The following FBXO3 variants were observed in gnomAD, a reference collection of about 807,000 sequenced individuals.
FBXO3 encodes F-box protein 3.
Under a neutral mutation model 64.8 loss-of-function variants are expected in FBXO3, and 17 were observed. The ratio of observed to expected loss-of-function variants is 0.26; its 90% CI spans 0.18 to 0.39. The LOEUF (loss-of-function observed/expected upper bound fraction) is 0.39. Among genes scored for constraint, FBXO3 ranks in the 10% least tolerant of loss-of-function variants. The pLI is 1.00. For missense variants in FBXO3, 420 were observed against 589.9 expected, an observed-to-expected ratio of 0.71 and a Z score of 2.98; for synonymous variants, 182 against 201.6, an observed-to-expected ratio of 0.90 and a Z score of 0.82.
intron 3 of FBXO3, among the ~76,000 whole-genome samples, chr11:33,761,240 G>T (rs1206777471): frequency 1.3e-5 from 2 of 151,976 alleles, no homozygotes; most frequent in Non-Finnish European, 2.9e-5. Flanking sequence ...CAGAAACATG[G>T]TATAGCTCAA....
chr11:33,749,208 T>G (rs1854891191), intron 8 of FBXO3, among the ~76,000 whole-genome samples: 1 of 152,322 alleles, frequency 6.6e-6, no homozygotes, highest in East Asian at 1.9e-4. Context: ...AAGATCAATT[T>G]GGCAAATGCT....
At chr11:33,744,117 TA>T (rs1854754105) in intron 10 of FBXO3, 1 of 152,202 alleles carries the variant, frequency 6.6e-6, no homozygotes, top group African/African-American at 2.4e-5. Flanking sequence ...TCTTTGGATT[TA>T]TTTTTTTAAT....
chr11:33,773,957 C>A (rs1468265528), intron 1 of FBXO3: 2 of 157,534 alleles, frequency 1.3e-5, no homozygotes, highest in African/African-American at 4.8e-5. Context: ...CCTGCCCACC[C>A]CGGCGCCAGA....
At chr11:33,746,759 C>T (rs1432249231) in intron 10 of FBXO3, 1 of 1,418,708 alleles carries the variant, frequency 7.0e-7, no homozygotes, top group Non-Finnish European at 9.2e-7. Context: ...TTATAATGAT[C>T]TTTATGGAAT....
chr11:33,774,158 A>G, intron 1 of FBXO3: 1 of 472,100 alleles, frequency 2.1e-6, no homozygotes, highest in Non-Finnish European at 3.8e-6. Flanking sequence ...TGGGAGAGAG[A>G]TATCTCGTCG....
At chr11:33,754,210 A>G (rs548622212) in intron 6 of FBXO3, 2 of 380,964 alleles carry the variant, frequency 5.2e-6, no homozygotes, top group South Asian at 7.8e-5. Context: ...TCATTGCCTT[A>G]TAGAAGAGTC....
chr11:33,741,801 T>G lies in FBXO3; in HGVS notation c.*107A>C. On this transcript the variant is annotated 3_prime_UTR_variant, in exon 11 of 11. Transcript: ENST00000265651. ...ACCCAGGGCCTGAAACAATATTTCA[T>G]GCTAGTTTTCCTGCTATATGCAGAG... 1 of 1,094,008 alleles carries G rather than the reference T, an allele frequency of 9.1e-7. No homozygotes were observed. The highest frequency in any genetic ancestry group is 1.2e-6 in the Non-Finnish European group (1 of 824,188). 67.8% of individuals were successfully genotyped at this position (1,094,008 alleles called of 1,614,324 possible).
rs531126979 is a variant in FBXO3 at position 33,747,544 on chromosome 11, C to T, written c.1049-224G>A. 2.2e-4 allele frequency among the ~76,000 whole-genome samples: 32 copies of T among 147,852 alleles called. No individual in the cohort carries two copies. The South Asian group carries it at 4.0e-3, about 19-fold the overall frequency. ...TTTTTTTTTTTGAGACAGAGTCTTG[C>T]TCTGTTGCCCACGCTGGAGTGCAGT... On this transcript the variant is annotated intron_variant, in intron 9 of 10. Coordinates refer to ENST00000265651, the MANE Select transcript of FBXO3 (RefSeq NM_012175.4).
At chr11:33,746,747 C>G in intron 10 of FBXO3, 2 of 1,424,802 alleles carry the variant, frequency 1.4e-6, no homozygotes, top group South Asian at 3.1e-5. Context: ...ATTAAATTTT[C>G]TTTATAATGA....
chr11:33,750,657 C>T lies in FBXO3; in HGVS notation c.814G>A (p.Val272Ile). 6.2e-7 allele frequency: 1 copy of T among 1,612,404 alleles called. No individual in the cohort carries two copies. Among genetic ancestry groups the T allele is most frequent in the African/African-American group, 1.3e-5 (1 of 74,968 alleles). ...PIIRDQIFRY[V>I]HDPECVATTG... Reference sequence around the variant, plus strand: ...GTTGCTACACATTCTGGATCGTGAACATATCTAGGTAATTTAAAAATTAAA... The same window carrying T: ...GTTGCTACACATTCTGGATCGTGAATATATCTAGGTAATTTAAAAATTAAA... The change falls in exon 8 of 11, where the codon GTT (valine) becomes ATT (isoleucine). Residue 272 changes from valine to isoleucine, a missense_variant. Around this residue, in one of 3 missense-constraint regions of FBXO3, gnomAD observed 337 missense variants for 518.4 expected, o/e 0.65. Coordinates refer to ENST00000265651, the MANE Select transcript of FBXO3 (RefSeq NM_012175.4).
At chr11:33,752,229 G>C (rs1041682120) in intron 6 of FBXO3, among the ~76,000 whole-genome samples, 3 of 152,196 alleles carry the variant, frequency 2.0e-5, no homozygotes, top group African/African-American at 7.2e-5. Flanking sequence ...TACTGGAACA[G>C]TCTAGTCCAG....
intron 10 of FBXO3, chr11:33,744,729 T>C (rs762281001): frequency 1.3e-5 from 2 of 152,178 alleles, no homozygotes; most frequent in African/African-American, 2.4e-5. Context: ...AAACGAAAAC[T>C]AATAAGAAAG....
intron 3 of FBXO3, among the ~76,000 whole-genome samples, chr11:33,762,301 A>G (rs1855262299): frequency 6.6e-6 from 1 of 152,204 alleles, no homozygotes; most frequent in Non-Finnish European, 1.5e-5. Flanking sequence ...AATTTTACCT[A>G]ATTATATATA....
intron 6 of FBXO3, chr11:33,754,000 G>C (rs1238650855): frequency 6.6e-6 from 1 of 152,638 alleles, no homozygotes; most frequent in Non-Finnish European, 1.5e-5. Flanking sequence ...ATAAGGCATA[G>C]AGTTTATATT....
intron 3 of FBXO3, among the ~76,000 whole-genome samples, chr11:33,759,233 C>A (rs555975721): frequency 6.6e-6 from 1 of 152,098 alleles, no homozygotes; most frequent in African/African-American, 2.4e-5. Flanking sequence ...AGAGTCACAA[C>A]GGTAGGGGAG....
rs747313210 is a variant in FBXO3 at position 33,750,624 on chromosome 11, C to T, written c.847G>A (p.Asp283Asn). Reference protein sequence around the residue: ...HDPECVATTGDITVSVSTSFL... With the variant: ...HDPECVATTGNITVSVSTSFL... ...GATGTGGAAACTGACACAGTAATAT[C>T]CCCAGTTGTTGCTACACATTCTGGA... The change falls in exon 8 of 11, where the codon GAT becomes AAT. Residue 283 changes from aspartate (D) to asparagine (N), a missense_variant. Asp to Asn is a conservative substitution (Grantham distance 23, BLOSUM62 1). Around this residue, in one of 3 missense-constraint regions of FBXO3, gnomAD observed 337 missense variants for 518.4 expected, o/e 0.65. Transcript: ENST00000265651. 1.2e-6 allele frequency: 2 copies of T among 1,613,458 alleles called. No individual in the cohort carries two copies. Among genetic ancestry groups the T allele is most frequent in the East Asian group, 2.2e-5 (1 of 44,876 alleles).
chr11:33,756,123 T>C (rs753272046), intron 4 of FBXO3, 148 bp from the exon 5 acceptor site: 60 of 604,226 alleles, frequency 9.9e-5, no homozygotes, highest in Non-Finnish European at 1.5e-4. Flanking sequence ...CAAAGCACTA[T>C]AATTTCTAAA....
chr11:33,769,030 A>G lies in FBXO3; in HGVS notation c.195-16T>C. The G allele has an allele frequency of 6.3e-7, 1 of 1,581,440 alleles. No homozygotes were observed. Among genetic ancestry groups the G allele is most frequent in the Non-Finnish European group, 8.6e-7 (1 of 1,166,750 alleles). ...TTTCTCTTCCCTAAATAGATGAAAA[A>G]CATGAGATTTTAAATCTTTTAAAAT... is the stretch of plus-strand genomic sequence containing the variant. On this transcript the variant is annotated splice_polypyrimidine_tract_variant and intron_variant, in intron 2 of 10. Transcript: ENST00000265651.
chr11:33,741,253 T>C lies in FBXO3; in HGVS notation c.*655A>G, dbSNP rs1034273199. The C allele has an allele frequency of 2.0e-5, 3 of 152,670 alleles. No individual in the cohort carries two copies. The highest frequency in any genetic ancestry group is 2.9e-5 in the Non-Finnish European group (2 of 68,032). The allele number at this position is 152,670 out of a possible 1,614,324, so 9.5% of individuals were successfully genotyped here. A position where few individuals can be genotyped will look rare whatever the true frequency, so the allele number is the denominator to read the frequency against. ...GTGAATAATATGATAAAGCGCATAG[T>C]GTTGAAGACTTTAAATTAAATCCAA... On this transcript the variant is annotated 3_prime_UTR_variant, in exon 11 of 11. Transcript: ENST00000265651.
Sources: allele counts gnomAD v4.1 joint callset (sites outside exome capture counted in the v4.1 genomes callset), GRCh38; gene constraint gnomAD v4.1.1; regional missense constraint gnomAD v4.1.1; transcripts MANE v1.5; gene names NCBI Gene and HGNC (gene_info 2026-07-23, HGNC 2026-07-21).